Variants in DRC8 observed in about 807,000 individuals in gnomAD.
DRC8 encodes dynein regulatory complex protein 8.
At chr1:245,107,466 G>A in the DRC8 span, among the ~76,000 whole-genome samples, 6 of 152,232 alleles carry the variant, frequency 3.9e-5, no homozygotes, top group African/African-American at 1.4e-4. Context: ...CTCTTATTCA[G>A]CAGAGAGCGT....
the DRC8 span, among the ~76,000 whole-genome samples, chr1:245,098,054 C>A: frequency 6.6e-6 from 1 of 151,994 alleles, no homozygotes; most frequent in Non-Finnish European, 1.5e-5. Flanking sequence ...TGTCTCAGGC[C>A]GGGGAGATAA....
chr1:245,104,155 C>G, the DRC8 span, among the ~76,000 whole-genome samples: 1 of 152,136 alleles, frequency 6.6e-6, no homozygotes, highest in Non-Finnish European at 1.5e-5. Flanking sequence ...ACACTGATCA[C>G]CAGCATAGGT....
chr1:245,101,005 C>G, the DRC8 span, among the ~76,000 whole-genome samples: 3 of 152,096 alleles, frequency 2.0e-5, no homozygotes, highest in Non-Finnish European at 4.4e-5. Context: ...CTGCCTCAGC[C>G]TCCCAAGTTG....
At chr1:245,090,482 A>G in the DRC8 span, among the ~76,000 whole-genome samples, 1 of 151,690 alleles carries the variant, frequency 6.6e-6, no homozygotes, top group Non-Finnish European at 1.5e-5. Flanking sequence ...CACTGTCCTA[A>G]GTGCTTGACG....
At chr1:245,112,962 C>T in the DRC8 span, among the ~76,000 whole-genome samples, 1 of 152,116 alleles carries the variant, frequency 6.6e-6, no homozygotes, top group Admixed American at 6.6e-5. Context: ...CCATGTTGGC[C>T]AGGTTGGTCT....
At chr1:244,970,737 C>T in the DRC8 span, 1 of 466,084 alleles carries the variant, frequency 2.1e-6, no homozygotes, top group Non-Finnish European at 3.7e-6. Flanking sequence ...TCTTCTTTCT[C>T]CTCCCGCCCT....
the DRC8 span, among the ~76,000 whole-genome samples, chr1:245,003,673 T>G: frequency 6.6e-6 from 1 of 152,234 alleles, no homozygotes; most frequent in Non-Finnish European, 1.5e-5. Context: ...TACTGCAGCC[T>G]TGACCTCCTG....
At chr1:244,984,831 TC>T in the DRC8 span, among the ~76,000 whole-genome samples, 1 of 121,918 alleles carries the variant, frequency 8.2e-6, no homozygotes, top group South Asian at 3.1e-4. Context: ...CAAGACTCTG[TC>T]AAAAAACACC....
the DRC8 span, chr1:245,075,425 T>G: frequency 1.5e-4 from 23 of 152,264 alleles, no homozygotes; most frequent in Non-Finnish European, 2.6e-4. Context: ...CAGTATTTAT[T>G]GAGATGGCTC....
the DRC8 span, among the ~76,000 whole-genome samples, chr1:245,092,262 A>G: frequency 2.6e-5 from 4 of 152,210 alleles, no homozygotes; most frequent in East Asian, 7.7e-4. Flanking sequence ...AGAGACAAAA[A>G]AGAGTCCAAG....
chr1:245,098,026 A>T, the DRC8 span, among the ~76,000 whole-genome samples: 3 of 152,180 alleles, frequency 2.0e-5, no homozygotes, highest in Non-Finnish European at 4.4e-5. Context: ...CAGTTAGGGG[A>T]CATTACCAGG....
the DRC8 span, among the ~76,000 whole-genome samples, chr1:245,105,640 A>AAAAAAC: frequency 6.8e-6 from 1 of 148,132 alleles, no homozygotes; most frequent in African/African-American, 2.5e-5. Context: ...AAAAAAAAAC[A>AAAAAAC]AAAAACAAAA....
chr1:245,082,271 G>A, the DRC8 span: 62 of 953,416 alleles, frequency 6.5e-5, no homozygotes, highest in Middle Eastern at 6.4e-4. Context: ...CAAGCAGTGT[G>A]TCCTAAGGTG....
chr1:245,021,663 T>C, the DRC8 span, among the ~76,000 whole-genome samples: 1 of 152,090 alleles, frequency 6.6e-6, no homozygotes, highest in East Asian at 1.9e-4. Flanking sequence ...CTCAAACTCC[T>C]GGCCTCAAGT....
the DRC8 span, among the ~76,000 whole-genome samples, chr1:245,040,639 G>C: frequency 6.6e-6 from 1 of 152,174 alleles, no homozygotes; most frequent in Non-Finnish European, 1.5e-5. Context: ...AAGCTATAAA[G>C]TGTTCTACAA....
the DRC8 span, among the ~76,000 whole-genome samples, chr1:245,000,202 C>A: frequency 6.6e-6 from 1 of 152,294 alleles, no homozygotes; most frequent in Middle Eastern, 3.4e-3. Flanking sequence ...TAACAATATA[C>A]TGTAATAAAA....
At chr1:244,976,329 A>T in the DRC8 span, among the ~76,000 whole-genome samples, 1 of 152,162 alleles carries the variant, frequency 6.6e-6, no homozygotes, top group Non-Finnish European at 1.5e-5. Context: ...ACCAATTGGG[A>T]TCATGCATAA....
chr1:245,013,373 C>CA, the DRC8 span, among the ~76,000 whole-genome samples: 1 of 151,946 alleles, frequency 6.6e-6, no homozygotes, highest in Non-Finnish European at 1.5e-5. Context: ...ATTTAAAAAC[C>CA]AAACATCAGC....
chr1:244,973,064 A>G, the DRC8 span, among the ~76,000 whole-genome samples: 1 of 152,218 alleles, frequency 6.6e-6, no homozygotes, highest in South Asian at 2.1e-4. Context: ...AATTACGTCT[A>G]ACCAATTAAT....
Sources: allele counts gnomAD v4.1 joint callset (sites outside exome capture counted in the v4.1 genomes callset), GRCh38; gene constraint gnomAD v4.1.1; transcripts MANE v1.5; gene names NCBI Gene and HGNC (gene_info 2026-07-23, HGNC 2026-07-21).